The following AGMO variants were observed in gnomAD, a reference collection of about 807,000 sequenced individuals.
AGMO encodes the protein glyceryl-ether monooxygenase.
In AGMO, 75 loss-of-function variants were observed where a neutral mutation model predicts 60.2. The ratio of observed to expected loss-of-function variants is 1.25; its 90% confidence interval spans 1.03 to 1.51. The LOEUF is 1.51. Among genes scored for constraint, AGMO ranks in the 40% most tolerant of loss-of-function variants. AGMO has a pLI of 0.00. For synonymous variants in AGMO, 261 were observed against 177.1 expected (o/e 1.47, Z -3.76); for missense variants, 763 against 525.5 (o/e 1.45, Z -4.42).
the AGMO span, among the ~76,000 whole-genome samples, chr7:15,190,192 T>G: frequency 1.7e-3 from 4 of 2,328 alleles, no homozygotes; most frequent in Admixed American, 8.3e-3. Flanking sequence ...TTTATATATA[T>G]ATATATATTT....
chr7:15,368,408 C>T (rs1783068175), intron 10 of AGMO, among the ~76,000 whole-genome samples: 1 of 151,718 alleles, frequency 6.6e-6, no homozygotes, highest in Non-Finnish European at 1.5e-5. Flanking sequence ...GAAAAATTTA[C>T]ATATAAGGGA....
At chr7:15,515,330 T>C (rs1312653801) in intron 3 of AGMO, among the ~76,000 whole-genome samples, 1 of 152,190 alleles carries the variant, frequency 6.6e-6, no homozygotes, top group African/African-American at 2.4e-5. Flanking sequence ...TACTTTTACT[T>C]TGGACATTAT....
intron 3 of AGMO, among the ~76,000 whole-genome samples, chr7:15,477,260 T>C (rs903761983): frequency 3.9e-5 from 6 of 152,052 alleles, no homozygotes; most frequent in South Asian, 2.1e-4. Flanking sequence ...TAGAAAGATA[T>C]ACATAAGGAA....
At chr7:15,280,212 G>A (rs1209316691) in intron 12 of AGMO, among the ~76,000 whole-genome samples, 1 of 152,192 alleles carries the variant, frequency 6.6e-6, no homozygotes, top group African/African-American at 2.4e-5. Context: ...TCAGATTTTA[G>A]TTCTGAGCAC....
chr7:15,195,814 C>T (rs1315012941), downstream of AGMO, among the ~76,000 whole-genome samples: 1 of 152,124 alleles, frequency 6.6e-6, no homozygotes, highest in Non-Finnish European at 1.5e-5. Context: ...CCAAATAATG[C>T]CTTGTTAACT....
chr7:15,199,144 A>T (rs1781208441), downstream of AGMO, among the ~76,000 whole-genome samples: 1 of 152,130 alleles, frequency 6.6e-6, no homozygotes, highest in African/African-American at 2.4e-5. Flanking sequence ...GTTAGGTCAG[A>T]TTTCTCATTG....
At chr7:15,267,627 C>A (rs1443460290) in intron 12 of AGMO, among the ~76,000 whole-genome samples, 1 of 151,838 alleles carries the variant, frequency 6.6e-6, no homozygotes, top group Non-Finnish European at 1.5e-5. Flanking sequence ...TACTATGGTA[C>A]TATATTCTCA....
chr7:15,337,936 C>A (rs1384992032), intron 12 of AGMO, among the ~76,000 whole-genome samples: 1 of 152,178 alleles, frequency 6.6e-6, no homozygotes, highest in Non-Finnish European at 1.5e-5. Flanking sequence ...CGATGAAAAT[C>A]TCCAAGGCAA....
intron 12 of AGMO, among the ~76,000 whole-genome samples, chr7:15,210,301 T>C (rs1344680676): frequency 1.3e-5 from 2 of 152,184 alleles, no homozygotes; most frequent in Non-Finnish European, 2.9e-5. Context: ...AAAAATATAA[T>C]TTAAAAACCT....
chr7:15,410,233 G>A (rs1256484064), intron 5 of AGMO, among the ~76,000 whole-genome samples: 1 of 151,458 alleles, frequency 6.6e-6, no homozygotes, highest in Admixed American at 6.6e-5. Flanking sequence ...ATAAGACTAG[G>A]ATACTTAGTC....
At chr7:15,169,513 C>T in the AGMO span, among the ~76,000 whole-genome samples, 6 of 151,902 alleles carry the variant, frequency 3.9e-5, no homozygotes, top group South Asian at 2.1e-4. Context: ...CTCGGCTCAC[C>T]GCAACCTCCA....
At chr7:15,284,123 A>AAAGT (rs1784039822) in intron 12 of AGMO, among the ~76,000 whole-genome samples, 1 of 152,120 alleles carries the variant, frequency 6.6e-6, no homozygotes, top group Non-Finnish European at 1.5e-5. Context: ...CCTCCATCAA[A>AAAGT]AAGTATAAAA....
intron 5 of AGMO, among the ~76,000 whole-genome samples, chr7:15,397,629 T>A (rs1442249818): frequency 6.6e-6 from 1 of 152,212 alleles, no homozygotes; most frequent in Non-Finnish European, 1.5e-5. Context: ...CCTCTCCCTC[T>A]CTTTCTCTTT....
the AGMO span, among the ~76,000 whole-genome samples, chr7:15,181,103 C>T: frequency 6.6e-6 from 1 of 152,104 alleles, no homozygotes; most frequent in Non-Finnish European, 1.5e-5. Context: ...TTAAAGGTTC[C>T]ACCTCTTAAT....
chr7:15,175,785 T>C, the AGMO span, among the ~76,000 whole-genome samples: 3 of 152,018 alleles, frequency 2.0e-5, no homozygotes, highest in African/African-American at 7.2e-5. Flanking sequence ...AGATTAAATA[T>C]TATTTTCAAA....
chr7:15,355,993 T>C (rs1237603654), intron 12 of AGMO, among the ~76,000 whole-genome samples: 3 of 151,988 alleles, frequency 2.0e-5, no homozygotes, highest in African/African-American at 7.3e-5. Flanking sequence ...CCCACTTCAA[T>C]AGTAAACAGA....
At chr7:15,379,628 A>G (rs1783597809) in intron 10 of AGMO, among the ~76,000 whole-genome samples, 1 of 152,112 alleles carries the variant, frequency 6.6e-6, no homozygotes, top group Admixed American at 6.6e-5. Context: ...ACCAATCAAC[A>G]AAAGCCCAGC....
chr7:15,355,240 C>A (rs1429956974), intron 12 of AGMO, among the ~76,000 whole-genome samples: 2 of 152,056 alleles, frequency 1.3e-5, no homozygotes, highest in African/African-American at 4.8e-5. Context: ...CGGTGGCTCA[C>A]GTCTATAATT....
intron 3 of AGMO, among the ~76,000 whole-genome samples, chr7:15,437,975 T>C (rs981291511): frequency 4.6e-5 from 7 of 152,176 alleles, no homozygotes; most frequent in Admixed American, 3.3e-4. Context: ...AATCACACTT[T>C]AACATATTTT....
Sources: gnomAD v4.1 joint callset for allele counts (sites outside exome capture counted in the v4.1 genomes callset) on GRCh38, gnomAD v4.1.1 for gene constraint, MANE v1.5 for transcripts, NCBI Gene and HGNC (gene_info 2026-07-23, HGNC 2026-07-21) for gene names.